The following MALRD1 variants were observed in gnomAD, a reference collection of about 807,000 sequenced individuals.
The protein encoded by MALRD1 is MAM and LDL receptor class A domain containing 1.
Under a neutral mutation model 242.1 loss-of-function variants are expected in MALRD1, and 247 were observed. That is an observed-to-expected ratio of 1.02 (90% CI 0.92 to 1.13). The LOEUF (loss-of-function observed/expected upper bound fraction) is 1.13, where lower values mean the gene tolerates loss of function less well. MALRD1 is among the 50% of genes most tolerant of loss of function. The pLI, the probability that MALRD1 is intolerant of heterozygous loss-of-function variation, is 0.00. For missense variants in MALRD1, 2,989 were observed against 2,533.1 expected (o/e 1.18, Z -3.86); for synonymous variants, 995 against 866.6 (o/e 1.15, Z -2.60).
At chr10:19,135,616 A>C (rs1440047735) in intron 9 of MALRD1, among the ~76,000 whole-genome samples, 1 of 152,216 alleles carries the variant, frequency 6.6e-6, no homozygotes, top group African/African-American at 2.4e-5. Context: ...TCTGATGTCC[A>C]GTATGGTAGC....
intron 38 of MALRD1, among the ~76,000 whole-genome samples, chr10:19,696,197 C>T (rs534989604): frequency 4.6e-5 from 7 of 152,298 alleles, no homozygotes; most frequent in Admixed American, 3.9e-4. Flanking sequence ...TGCCAATCAA[C>T]AGTGCCACTA....
At chr10:19,693,826 T>C (rs1833225400) in intron 38 of MALRD1, among the ~76,000 whole-genome samples, 1 of 152,118 alleles carries the variant, frequency 6.6e-6, no homozygotes, top group African/African-American at 2.4e-5. Context: ...CTTCAAACTA[T>C]ATTACAAGGC....
At chr10:19,620,548 T>C (rs1376426890) in intron 36 of MALRD1, among the ~76,000 whole-genome samples, 2 of 151,594 alleles carry the variant, frequency 1.3e-5, no homozygotes, top group African/African-American at 4.9e-5. Flanking sequence ...TCTTTTGCAA[T>C]TGATTAATGT....
intron 28 of MALRD1, among the ~76,000 whole-genome samples, chr10:19,422,540 A>T (rs189223313): frequency 2.6e-5 from 4 of 152,292 alleles, no homozygotes; most frequent in African/African-American, 7.2e-5. Flanking sequence ...ATAGAGTAGT[A>T]ATCGCTTTCT....
At chr10:19,555,842 G>A (rs1000825943) in intron 32 of MALRD1, among the ~76,000 whole-genome samples, 1 of 152,120 alleles carries the variant, frequency 6.6e-6, no homozygotes, top group East Asian at 1.9e-4. Flanking sequence ...ATGTTAGCAA[G>A]GTTAATGATG....
intron 36 of MALRD1, among the ~76,000 whole-genome samples, chr10:19,623,684 A>T (rs375921889): frequency 6.6e-6 from 1 of 152,132 alleles, no homozygotes; most frequent in African/African-American, 2.4e-5. Context: ...CAGCAGCAAG[A>T]TGGTTGTCCC....
At chr10:19,459,972 C>G (rs1486108510) in intron 29 of MALRD1, among the ~76,000 whole-genome samples, 1 of 151,748 alleles carries the variant, frequency 6.6e-6, no homozygotes, top group African/African-American at 2.4e-5. Context: ...TTAACATTAT[C>G]CTCAGTTCAT....
intron 36 of MALRD1, among the ~76,000 whole-genome samples, chr10:19,634,848 G>T (rs1840060504): frequency 6.6e-6 from 1 of 152,116 alleles, no homozygotes; most frequent in Non-Finnish European, 1.5e-5. Flanking sequence ...AGCTAAATTG[G>T]CTGGACATCT....
At chr10:19,047,795 G>A (rs190921677), upstream of MALRD1, among the ~76,000 whole-genome samples, 378 of 152,142 alleles carry the variant, frequency 2.5e-3, 3 homozygotes, top group East Asian at 0.018. Context: ...TACAATATGG[G>A]TAATTCTTAG....
intron 36 of MALRD1, among the ~76,000 whole-genome samples, chr10:19,683,029 G>A (rs958904074): frequency 6.6e-6 from 1 of 151,988 alleles, no homozygotes; most frequent in Admixed American, 6.6e-5. Context: ...CACAGTGGCT[G>A]ACTCCTGTAA....
Position 19,209,444 on chromosome 10 carries a change from C to T in MALRD1, c.2755C>T (p.Pro919Ser), listed in dbSNP as rs1204573058. 6.4e-7 allele frequency: 1 copy of T among 1,550,922 alleles called. No homozygotes were observed. Among genetic ancestry groups the T allele is most frequent in the Non-Finnish European group, 8.7e-7 (1 of 1,147,064 alleles). The change falls in exon 18 of 40, where the codon CCA becomes TCA. Residue 919 changes from proline to serine, a missense_variant. Coordinates refer to ENST00000454679, the MANE Select transcript of MALRD1 (RefSeq NM_001142308.3). ...CTATCTCTACATAGAATCTTCAGAG[C>T]CACAGGCTTTTCAAGACAGTGCTGC... Reference protein sequence around the residue: ...GHYLYIESSEPQAFQDSAALL... With the variant: ...GHYLYIESSESQAFQDSAALL...
intron 33 of MALRD1, among the ~76,000 whole-genome samples, chr10:19,582,062 TG>T (rs1837155906): frequency 6.6e-6 from 1 of 152,040 alleles, no homozygotes; most frequent in African/African-American, 2.4e-5. Flanking sequence ...CACTTTTTGA[TG>T]GGGTTGTTTG....
intron 32 of MALRD1, among the ~76,000 whole-genome samples, chr10:19,538,800 A>G (rs1209121627): frequency 6.6e-6 from 1 of 152,110 alleles, no homozygotes; most frequent in Admixed American, 6.5e-5. Context: ...TGAAAAAAAA[A>G]AGCTACTTTC....
chr10:19,468,760 T>C lies in MALRD1; in HGVS notation c.5029+18270T>C, dbSNP rs1373284030. 7.2e-5 allele frequency among the ~76,000 whole-genome samples: 11 copies of C among 152,060 alleles called. No individual in the cohort carries two copies. In the East Asian group the frequency reaches 2.1e-3, roughly 29 times the overall value. On this transcript the variant is annotated intron_variant, in intron 29 of 39. Transcript: ENST00000454679. ...CTCTGTATCTCTAGTCTTTACAAGA[T>C]CCCAGAAAACCCATTTCCAGAAATA...
chr10:19,540,653 G>A (rs185246292), intron 32 of MALRD1, among the ~76,000 whole-genome samples: 4 of 152,038 alleles, frequency 2.6e-5, no homozygotes, highest in African/African-American at 9.7e-5. Flanking sequence ...TTACTATATA[G>A]ACGAGGACCC....
At position 19,654,003 on chromosome 10, in the gene MALRD1, A is replaced by C. The variant is rs536781764; in HGVS notation, c.6137+38080A>C. Among the ~76,000 whole-genome samples the C allele has an allele frequency of 3.3e-5, 5 of 152,332 alleles. No homozygotes were observed. The South Asian group carries it at 1.0e-3, about 32-fold the overall frequency. Reference sequence around the variant, plus strand: ...TTAATTAAACTCTTTGTTAACAATGAGCAGAGTTATCATTAATACAGTGAG... The same window carrying C: ...TTAATTAAACTCTTTGTTAACAATGCGCAGAGTTATCATTAATACAGTGAG... On this transcript the variant is annotated intron_variant, in intron 36 of 39. Transcript: ENST00000454679.
chr10:19,647,475 G>C (rs1333527792), intron 36 of MALRD1, among the ~76,000 whole-genome samples: 1 of 152,118 alleles, frequency 6.6e-6, no homozygotes, highest in Non-Finnish European at 1.5e-5. Flanking sequence ...AGAGGAATAG[G>C]AATAGATGAG....
chr10:19,177,248 C>T (rs539185975), intron 14 of MALRD1, among the ~76,000 whole-genome samples: 1 of 139,606 alleles, frequency 7.2e-6, no homozygotes, highest in Non-Finnish European at 1.5e-5. Flanking sequence ...CCACTGCACT[C>T]AAGCCTGGGT....
chr10:19,250,912 T>A (rs2131783778), intron 18 of MALRD1, among the ~76,000 whole-genome samples: 1 of 152,076 alleles, frequency 6.6e-6, no homozygotes, highest in South Asian at 2.1e-4. Flanking sequence ...TCTGAGGTTT[T>A]GAATGGCCCA....
Sources: gnomAD v4.1 joint callset for allele counts (sites outside exome capture counted in the v4.1 genomes callset) on GRCh38, gnomAD v4.1.1 for gene constraint, MANE v1.5 for transcripts, NCBI Gene and HGNC (gene_info 2026-07-23, HGNC 2026-07-21) for gene names.